The following PTGER2 variants were observed in gnomAD, a reference collection of about 807,000 sequenced individuals.
PTGER2 encodes prostaglandin E receptor 2.
In PTGER2, 22 loss-of-function variants were observed where a neutral mutation model predicts 26.2. That is an observed-to-expected ratio of 0.84 (90% confidence interval 0.60 to 1.20). The LOEUF is 1.20. PTGER2 is among the 50% of genes most tolerant of loss of function. The probability of loss-of-function intolerance (pLI) is 0.00; values close to 1 mark genes in which losing one functional copy is unlikely to be tolerated. For synonymous variants in PTGER2, 219 were observed against 208.9 expected, an observed-to-expected ratio of 1.05 and a Z score of -0.42; for missense variants, 458 against 475.2, an observed-to-expected ratio of 0.96 and a Z score of 0.34.
At chr14:52,326,000 C>T (rs1857375392) in intron 1 of PTGER2, among the ~76,000 whole-genome samples, 1 of 152,152 alleles carries the variant, frequency 6.6e-6, no homozygotes, top group Non-Finnish European at 1.5e-5. Context: ...TAAGAAAGAC[C>T]CTGGAGCCTT....
At chr14:52,326,558 T>C (rs708499) in intron 1 of PTGER2, among the ~76,000 whole-genome samples, 106,432 of 152,078 alleles carry the variant, frequency 0.7, 39,155 homozygotes, top group Non-Finnish European at 0.84. Flanking sequence ...GCACAAAGGT[T>C]CATTATTAAT....
At chr14:52,318,976 A>T (rs2033869027) in intron 1 of PTGER2, among the ~76,000 whole-genome samples, 1 of 152,218 alleles carries the variant, frequency 6.6e-6, no homozygotes, top group South Asian at 2.1e-4. Context: ...GACGAGGCAA[A>T]TGACTCACCC....
chr14:52,321,960 T>C lies in PTGER2; in HGVS notation c.844-5261T>C, dbSNP rs566255898. Among the ~76,000 whole-genome samples, 7 of 152,342 alleles carry C rather than the reference T, an allele frequency of 4.6e-5. No individual in the cohort carries two copies. In the East Asian group the frequency reaches 1.3e-3, roughly 29 times the overall value. On this transcript the variant is annotated intron_variant, in intron 1 of 1. Coordinates refer to ENST00000245457, the MANE Select transcript of PTGER2 (RefSeq NM_000956.4). ...TTTAAGTGTGATAAATGAATAATTTTAAACTATTCCAGGTTTTAGATAAGG... is the reference window on the plus strand; with the variant it reads ...TTTAAGTGTGATAAATGAATAATTTCAAACTATTCCAGGTTTTAGATAAGG...
rs376686943 is a variant in PTGER2, at chr14:52,315,407, C to G, written c.843+16C>G. 1 of 1,610,668 alleles carries G rather than the reference C, an allele frequency of 6.2e-7. No homozygotes were observed. Among genetic ancestry groups the G allele is most frequent in the Admixed American group, 1.7e-5 (1 of 59,980 alleles). On this transcript the variant is annotated intron_variant, in intron 1 of 1. Transcript: ENST00000245457. Reference sequence around the variant, plus strand: ...GCCTTTCACGGTAAGTCACTCCCTACGTTTCCACAGCCCGGCTCTGCTCAG... The same window carrying G: ...GCCTTTCACGGTAAGTCACTCCCTAGGTTTCCACAGCCCGGCTCTGCTCAG...
intron 1 of PTGER2, among the ~76,000 whole-genome samples, chr14:52,323,226 CATGTATGTATGT>C (rs531613021): frequency 1.3e-5 from 2 of 151,982 alleles, no homozygotes; most frequent in Admixed American, 6.6e-5. Context: ...TATTTTTATG[CATGTATGTATGT>C]ATGTATGTGT....
intron 1 of PTGER2, among the ~76,000 whole-genome samples, chr14:52,323,701 C>T (rs1204112750): frequency 6.6e-6 from 1 of 152,210 alleles, no homozygotes; most frequent in Non-Finnish European, 1.5e-5. Context: ...ATGAAGTTTT[C>T]TATGGGAGGC....
intron 1 of PTGER2, among the ~76,000 whole-genome samples, chr14:52,323,391 T>C (rs867538416): frequency 2.6e-5 from 4 of 152,170 alleles, no homozygotes; most frequent in Admixed American, 2.6e-4. Context: ...TAGCTGGGAT[T>C]ACAGGTGCCC....
At chr14:52,322,319 C>T (rs1194552937) in intron 1 of PTGER2, among the ~76,000 whole-genome samples, 1 of 151,934 alleles carries the variant, frequency 6.6e-6, no homozygotes, top group Non-Finnish European at 1.5e-5. Context: ...GGGAGTAGGT[C>T]ACAAAGATCA....
At position 52,327,946 on chromosome 14, in the gene PTGER2, C is replaced by T. The variant is rs1439084984; in HGVS notation, c.*492C>T. 6.5e-6 allele frequency: 1 copy of T among 154,484 alleles called. No homozygotes were observed. Among genetic ancestry groups the T allele is most frequent in the Non-Finnish European group, 1.4e-5 (1 of 69,384 alleles). The allele number at this position is 154,484 out of a possible 1,614,324, so 9.6% of individuals were successfully genotyped here. ...TCACTTAGCGAACCCTTTATTTGAACAATGAAGTTGAAAATCATAGGCACC... is the reference window on the plus strand; with the variant it reads ...TCACTTAGCGAACCCTTTATTTGAATAATGAAGTTGAAAATCATAGGCACC... On this transcript the variant is annotated 3_prime_UTR_variant, in exon 2 of 2. Coordinates refer to ENST00000245457, the MANE Select transcript of PTGER2 (RefSeq NM_000956.4).
intron 1 of PTGER2, among the ~76,000 whole-genome samples, chr14:52,320,927 T>C (rs2033887702): frequency 6.6e-6 from 1 of 152,246 alleles, no homozygotes; most frequent in East Asian, 1.9e-4. Context: ...TCTGCCTGAA[T>C]TCATTTGCAA....
At chr14:52,322,110 C>T (rs1594638244) in intron 1 of PTGER2, among the ~76,000 whole-genome samples, 1 of 152,246 alleles carries the variant, frequency 6.6e-6, no homozygotes, top group East Asian at 1.9e-4. Context: ...GGGGAACTCA[C>T]CCCCAATATT....
chr14:52,319,859 T>C (rs2140036818), intron 1 of PTGER2, among the ~76,000 whole-genome samples: 1 of 152,342 alleles, frequency 6.6e-6, no homozygotes, highest in East Asian at 1.9e-4. Flanking sequence ...AGAAATTCTT[T>C]AGGGTTATAA....
chr14:52,315,063 T>A lies in PTGER2; in HGVS notation c.515T>A (p.Leu172Gln), dbSNP rs770731366. 6.2e-6 allele frequency: 10 copies of A among 1,612,398 alleles called. No homozygotes were observed. The highest frequency in any genetic ancestry group is 1.7e-5 in the Admixed American group (1 of 59,996). ...AVSLLFCSLP[L>Q]LDYGQYVQYC... ...TCCCTGCTCTTCTGCTCGCTGCCGC[T>A]GCTGGACTATGGGCAGTACGTCCAG... The change falls in exon 1 of 2, where the codon CTG (leucine) becomes CAG (glutamine). Residue 172 changes from leucine (L) to glutamine (Q), a missense_variant. By Grantham distance (113) the Leu-to-Gln change is moderately radical (BLOSUM62 -2). Transcript: ENST00000245457.
At position 52,327,593 on chromosome 14, in the gene PTGER2, T is replaced by G. The variant is rs1379175044; in HGVS notation, c.*139T>G. On this transcript the variant is annotated 3_prime_UTR_variant, in exon 2 of 2. Transcript: ENST00000245457. ...GAGTATACAAACATTTAAGCTGTGG[T>G]CAAGGCTACAGATGTGCTGACAAGG... 1.4e-6 allele frequency: 1 copy of G among 720,762 alleles called. No individual in the cohort carries two copies. The highest frequency in any genetic ancestry group is 2.2e-6 in the Non-Finnish European group (1 of 449,292). 44.6% of individuals were successfully genotyped at this position (720,762 alleles called of 1,614,324 possible).
Position 52,327,671 on chromosome 14 carries a change from G to A in PTGER2, c.*217G>A, listed in dbSNP as rs1011374245. On this transcript the variant is annotated 3_prime_UTR_variant, in exon 2 of 2. Transcript: ENST00000245457. ...TACAAAACCTACCCTCAGTGAGCAT[G>A]GTACTTGGCCTTTGGAGGAACAATC... 13 of 478,742 alleles carry A rather than the reference G, an allele frequency of 2.7e-5. No individual in the cohort carries two copies. Among genetic ancestry groups the A allele is most frequent in the Non-Finnish European group, 4.8e-5 (13 of 270,802 alleles). 29.7% of individuals were successfully genotyped at this position (478,742 alleles called of 1,614,324 possible). A position where few individuals can be genotyped will look rare whatever the true frequency, so the allele number is the denominator to read the frequency against.
intron 1 of PTGER2, among the ~76,000 whole-genome samples, chr14:52,321,173 T>C (rs1327855540): frequency 2.0e-5 from 3 of 152,208 alleles, no homozygotes; most frequent in Non-Finnish European, 2.9e-5. Flanking sequence ...AATAGGCTTC[T>C]GTTTCCCTCT....
intron 1 of PTGER2, among the ~76,000 whole-genome samples, chr14:52,316,676 A>G (rs1383724717): frequency 6.6e-6 from 1 of 152,198 alleles, no homozygotes; most frequent in Non-Finnish European, 1.5e-5. Context: ...GAAGGGACAC[A>G]GGGTCCCAAA....
At chr14:52,315,449 C>G in intron 1 of PTGER2, 58 bp downstream of exon 1, 9 of 1,590,566 alleles carry the variant, frequency 5.7e-6, no homozygotes, top group Non-Finnish European at 7.7e-6. Flanking sequence ...CATGCTCTCC[C>G]CTGACGCCTC....
At position 52,314,320 on chromosome 14, in the gene PTGER2, G is replaced by T; in HGVS notation, c.-229G>T. 1 of 374,092 alleles carries T rather than the reference G, an allele frequency of 2.7e-6. No individual in the cohort carries two copies. Among genetic ancestry groups the T allele is most frequent in the Non-Finnish European group, 4.5e-6 (1 of 220,298 alleles). The allele number at this position is 374,092 out of a possible 1,614,324, so 23.2% of individuals were successfully genotyped here. A position where few individuals can be genotyped will look rare whatever the true frequency, so the allele number is the denominator to read the frequency against. Reference sequence around the variant, plus strand: ...TCCCGGCCTTGGCCGGCGCGGGTAGGCGCGGGAGCCTCGAGCGCCGCTCGG... The same window carrying T: ...TCCCGGCCTTGGCCGGCGCGGGTAGTCGCGGGAGCCTCGAGCGCCGCTCGG... On this transcript the variant is annotated 5_prime_UTR_variant, in exon 1 of 2. Transcript: ENST00000245457. This position sits in a 1 kb window ranked among gnomAD's most constrained non-coding sequence, Gnocchi z 5.7.
Sources: gnomAD v4.1 joint callset for allele counts (sites outside exome capture counted in the v4.1 genomes callset) on GRCh38, gnomAD v4.1.1 for gene constraint, Gnocchi (gnomAD v3.1) non-coding constraint, MANE v1.5 for transcripts, NCBI Gene and HGNC (gene_info 2026-07-23, HGNC 2026-07-21) for gene names.